Variants in ZRANB1 observed in about 807,000 individuals in gnomAD.
ZRANB1 encodes the protein ubiquitin thioesterase ZRANB1.
In ZRANB1, 16 loss-of-function variants were observed where a neutral mutation model predicts 80.5. That is an observed-to-expected ratio of 0.20 (90% CI 0.13 to 0.30). The LOEUF (loss-of-function observed/expected upper bound fraction) is 0.30. Among genes scored for constraint, ZRANB1 ranks in the 10% least tolerant of loss-of-function variants. The pLI is 1.00. For missense variants in ZRANB1, 576 were observed against 862.6 expected (o/e 0.67, Z 4.16); for synonymous variants, 291 against 293.1 (o/e 0.99, Z 0.07).
At chr10:124,936,010 C>T in the ZRANB1 span, among the ~76,000 whole-genome samples, 2 of 152,142 alleles carry the variant, frequency 1.3e-5, no homozygotes, top group Non-Finnish European at 2.9e-5. Flanking sequence ...TTGAAAACTT[C>T]ATGAAGATGA....
At chr10:124,977,652 A>G (rs568384842) in intron 5 of ZRANB1, among the ~76,000 whole-genome samples, 140 of 148,304 alleles carry the variant, frequency 9.4e-4, no homozygotes, top group South Asian at 3.0e-3. Flanking sequence ...TTGAGGCTGC[A>G]CTGAGCCAAG....
At chr10:124,925,309 T>G in the ZRANB1 span, among the ~76,000 whole-genome samples, 1 of 152,244 alleles carries the variant, frequency 6.6e-6, no homozygotes, top group Non-Finnish European at 1.5e-5. Flanking sequence ...TCTAGTGGAA[T>G]GGCATCTCCT....
chr10:124,984,554 G>GT (rs1951990271), intron 8 of ZRANB1: 2 of 531,162 alleles, frequency 3.8e-6, no homozygotes, highest in Admixed American at 3.5e-5. Context: ...CTCCTCTTTA[G>GT]TTTTTTTCTG....
chr10:124,945,708 C>A (rs1417171103), intron 1 of ZRANB1: 2 of 152,172 alleles, frequency 1.3e-5, no homozygotes, highest in African/African-American at 4.8e-5. Context: ...ACATGTTTGT[C>A]TTTATGACAT....
upstream of ZRANB1, among the ~76,000 whole-genome samples, chr10:124,937,658 G>T (rs991038416): frequency 2.0e-5 from 3 of 152,184 alleles, no homozygotes; most frequent in Non-Finnish European, 4.4e-5. Flanking sequence ...GTTCCATTAT[G>T]TAAGTCCCTT....
chr10:124,969,428 G>A (rs1951802309), intron 2 of ZRANB1, among the ~76,000 whole-genome samples: 1 of 152,112 alleles, frequency 6.6e-6, no homozygotes, highest in South Asian at 2.1e-4. Context: ...TCTGGACTAA[G>A]TCTAGACTAA....
intron 1 of ZRANB1, among the ~76,000 whole-genome samples, chr10:124,950,241 C>T (rs772928307): frequency 6.6e-6 from 1 of 152,176 alleles, no homozygotes; most frequent in Non-Finnish European, 1.5e-5. Context: ...TCTCCTACCT[C>T]AGCCACCCAG....
intron 1 of ZRANB1, among the ~76,000 whole-genome samples, chr10:124,950,247 C>A (rs1951626094): frequency 1.3e-5 from 2 of 152,102 alleles, no homozygotes; most frequent in Admixed American, 1.3e-4. Context: ...ACCTCAGCCA[C>A]CCAGGTAGAT....
the ZRANB1 span, among the ~76,000 whole-genome samples, chr10:124,931,110 T>C: frequency 6.6e-6 from 1 of 152,142 alleles, no homozygotes; most frequent in Non-Finnish European, 1.5e-5. Context: ...AAGATTTTGC[T>C]TTTTCTCTTG....
chr10:124,957,895 A>G (rs781554289), intron 1 of ZRANB1, among the ~76,000 whole-genome samples: 5 of 151,884 alleles, frequency 3.3e-5, no homozygotes, highest in Admixed American at 6.6e-5. Flanking sequence ...TGTGTGTCTA[A>G]TTTTTGTATT....
chr10:124,961,442 C>G (rs1951734360), intron 1 of ZRANB1, among the ~76,000 whole-genome samples: 1 of 152,334 alleles, frequency 6.6e-6, no homozygotes, highest in East Asian at 1.9e-4. Context: ...GATCACTTGT[C>G]CCAAAGATAA....
At chr10:124,927,024 G>C in the ZRANB1 span, among the ~76,000 whole-genome samples, 1 of 152,056 alleles carries the variant, frequency 6.6e-6, no homozygotes, top group Non-Finnish European at 1.5e-5. Flanking sequence ...GCGCGATCTC[G>C]GCTCACTGCA....
chr10:124,922,492 ATTT>A, the ZRANB1 span, among the ~76,000 whole-genome samples: 1 of 132,128 alleles, frequency 7.6e-6, no homozygotes, highest in Non-Finnish European at 1.6e-5. Flanking sequence ...CACCTGGCTA[ATTT>A]TTTTTTTTTT....
chr10:124,933,713 G>A, the ZRANB1 span, among the ~76,000 whole-genome samples: 1 of 152,214 alleles, frequency 6.6e-6, no homozygotes, highest in Non-Finnish European at 1.5e-5. Flanking sequence ...GTTTGGGATT[G>A]TGATTTAAGG....
chr10:124,959,488 A>G (rs1233415092), intron 1 of ZRANB1, among the ~76,000 whole-genome samples: 1 of 150,670 alleles, frequency 6.6e-6, no homozygotes, highest in Non-Finnish European at 1.5e-5. Flanking sequence ...CTGAGATGAG[A>G]TCTCACTTTG....
intron 1 of ZRANB1, among the ~76,000 whole-genome samples, chr10:124,952,457 C>T (rs952181665): frequency 6.6e-6 from 1 of 152,170 alleles, no homozygotes; most frequent in Non-Finnish European, 1.5e-5. Context: ...GCCTTCCCAA[C>T]ACCTTGATTT....
chr10:124,933,160 G>A, the ZRANB1 span, among the ~76,000 whole-genome samples: 1 of 144,742 alleles, frequency 6.9e-6, no homozygotes. Context: ...TTTTGAGATG[G>A]AATTTTGCTC....
the ZRANB1 span, among the ~76,000 whole-genome samples, chr10:124,936,747 C>T: frequency 6.6e-6 from 1 of 152,094 alleles, no homozygotes; most frequent in African/African-American, 2.4e-5. Flanking sequence ...TTTTATAGTT[C>T]AAAATTGCTT....
Position 124,949,617 on chromosome 10 carries a change from G to A in ZRANB1, c.814+6310G>A, listed in dbSNP as rs1951619136. On this transcript the variant is annotated intron_variant, in intron 1 of 8. Transcript: ENST00000359653. Reference sequence around the variant, plus strand: ...GCTCACTGCAGCCTTGACCTCCTGGGCTTAAGCAGTCCTCCCACCTCAGCT... The same window carrying A: ...GCTCACTGCAGCCTTGACCTCCTGGACTTAAGCAGTCCTCCCACCTCAGCT... Among the ~76,000 whole-genome samples the A allele has an allele frequency of 4.0e-5, 6 of 151,416 alleles. No individual in the cohort carries two copies. In the South Asian group the frequency reaches 1.3e-3, roughly 32 times the overall value.
Sources: gnomAD v4.1 joint callset for allele counts (sites outside exome capture counted in the v4.1 genomes callset) on GRCh38, gnomAD v4.1.1 for gene constraint, MANE v1.5 for transcripts, NCBI Gene and HGNC (gene_info 2026-07-23, HGNC 2026-07-21) for gene names.